Variants in SLC6A12 observed in about 807,000 individuals in gnomAD.
SLC6A12 encodes the protein solute carrier family 6 member 12, also known as sodium- and chloride-dependent betaine transporter.
In SLC6A12, 50 loss-of-function variants were observed where a neutral mutation model predicts 73.3. The observed-to-expected ratio is 0.68, with a 90% CI of 0.54 to 0.86. The LOEUF is 0.86. Among genes scored for constraint, SLC6A12 ranks in the 40% least tolerant of loss-of-function variants. The pLI is 0.00. For synonymous variants in SLC6A12, 304 were observed against 309.2 expected (o/e 0.98, Z 0.18); for missense variants, 648 against 772.8 (o/e 0.84, Z 1.92).
At chr12:196,958 C>CTG (rs150908861) in intron 10 of SLC6A12, 76 bp from the exon 11 acceptor site, 17 of 929,744 alleles carry the variant, frequency 1.8e-5, no homozygotes, top group African/African-American at 4.9e-5. Flanking sequence ...TCTCTAAGCA[C>CTG]TGTGTGTGTG....
downstream of SLC6A12, among the ~76,000 whole-genome samples, chr12:187,704 G>C (rs1016947117): frequency 1.8e-4 from 27 of 145,986 alleles, no homozygotes; most frequent in Non-Finnish European, 3.4e-4. Context: ...CCGGCAGCCT[G>C]CTTTTATTCT....
At chr12:191,307 C>A (rs1469499207) in intron 15 of SLC6A12, 96 bp from the exon 16 acceptor site, 2 of 1,103,206 alleles carry the variant, frequency 1.8e-6, no homozygotes, top group Non-Finnish European at 2.3e-6. Flanking sequence ...CAGAGCGGAG[C>A]ACATGGCCAG....
intron 7 of SLC6A12, among the ~76,000 whole-genome samples, chr12:200,144 T>TCA (rs1344934317): frequency 6.7e-6 from 1 of 148,386 alleles, no homozygotes. Flanking sequence ...GGAGTCTGGC[T>TCA]GTCGCCCAGG....
intron 5 of SLC6A12, 151 bp downstream of exon 5, chr12:202,589 G>A (rs1215622255): frequency 1.4e-6 from 1 of 690,498 alleles, no homozygotes; most frequent in Non-Finnish European, 2.3e-6. Context: ...GGCCTCAGAG[G>A]AGCCAAGGAG....
the SLC6A12 span, among the ~76,000 whole-genome samples, chr12:184,623 G>A: frequency 4.9e-4 from 74 of 152,208 alleles, no homozygotes; most frequent in East Asian, 0.01. Context: ...GGTGGCGGGC[G>A]CCTGTAGTCC....
chr12:187,230 G>A (rs367648390), downstream of SLC6A12, among the ~76,000 whole-genome samples: 5 of 152,274 alleles, frequency 3.3e-5, no homozygotes, highest in South Asian at 4.2e-4. Flanking sequence ...TGTGCCCAGA[G>A]TAAGTGGGTT....
Position 196,843 on chromosome 12 carries a change from G to C in SLC6A12, c.1115C>G (p.Thr372Ser). Reference protein sequence around the residue: ...LAFIAFPKAVTMMPLSQLWSC... With the variant: ...LAFIAFPKAVSMMPLSQLWSC... ...CCACAGCTGGGATAAGGGCATCATAGTCACAGCCTTGGGGAAGGCGATGAA... is the reference window on the plus strand; with the variant it reads ...CCACAGCTGGGATAAGGGCATCATACTCACAGCCTTGGGGAAGGCGATGAA... Residue 372 changes from threonine to serine, a missense_variant, in exon 11 of 16, where the codon ACT becomes AGT. Physicochemically the swap from Thr to Ser is moderately conservative, Grantham distance 58. Transcript: ENST00000684302. 6.2e-7 allele frequency: 1 copy of C among 1,614,012 alleles called. No homozygotes were observed. Among genetic ancestry groups the C allele is most frequent in the Non-Finnish European group, 8.5e-7 (1 of 1,179,932 alleles).
rs1256527089 is a variant in SLC6A12, at chr12:198,673, A to G, written c.846+124T>C. ...TTTATAGCTTTCTTCCATATTTTCT[A>G]ATTTATCTCCAGTGGGCATTTATTG... On this transcript the variant is annotated intron_variant, in intron 8 of 15. Coordinates refer to ENST00000684302, the MANE Select transcript of SLC6A12 (RefSeq NM_001122848.3). This position sits in a 1 kb window ranked among gnomAD's most constrained non-coding sequence, Gnocchi z 4.0. The G allele has an allele frequency of 1.4e-6, 1 of 730,874 alleles. No individual in the cohort carries two copies. Among genetic ancestry groups the G allele is most frequent in the Non-Finnish European group, 2.2e-6 (1 of 455,948 alleles). The allele number at this position is 730,874 out of a possible 1,614,324, so 45.3% of individuals were successfully genotyped here.
intron 13 of SLC6A12, 28 bp from the exon 14 acceptor site, chr12:193,405 G>C: frequency 1.3e-6 from 2 of 1,547,864 alleles, no homozygotes; most frequent in Non-Finnish European, 1.8e-6. Context: ...GGGAGAGTGT[G>C]AGAGCCAGAG....
At chr12:197,197 T>TATCCATCCATCCATCCATC (rs1565469229) in intron 10 of SLC6A12, among the ~76,000 whole-genome samples, 180 bp downstream of exon 10, 3 of 6,174 alleles carry the variant, frequency 4.9e-4, no homozygotes, top group Non-Finnish European at 8.4e-4. Flanking sequence ...ATCCATCCAT[T>TATCCATCCATCCATCCATC]CATCCATCCA....
intron 1 of SLC6A12, among the ~76,000 whole-genome samples, chr12:212,915 G>T (rs564760543): frequency 1.3e-5 from 2 of 152,284 alleles, no homozygotes; most frequent in African/African-American, 4.8e-5. Flanking sequence ...TGGGGGATGG[G>T]CCTCATCATA....
Position 202,870 on chromosome 12 carries a change from C to A in SLC6A12, c.360G>T (p.Leu120=). The A allele has an allele frequency of 1.2e-6, 2 of 1,613,758 alleles. No homozygotes were observed. Among genetic ancestry groups the A allele is most frequent in the Non-Finnish European group, 8.5e-7 (1 of 1,179,892 alleles). Reference sequence around the variant, plus strand: ...AATATGACTCGATGACCACAGATGCCAGACCAATGCCTTCCAGAGTGGGGG... The same window carrying A: ...AATATGACTCGATGACCACAGATGCAAGACCAATGCCTTCCAGAGTGGGGG... The part of the protein sequence containing the change: ...KICPLFQGIG[L]ASVVIESYLN... Residue 120 remains leucine, a synonymous_variant, in exon 5 of 16, where the codon CTG becomes CTT. Coordinates refer to ENST00000684302, the MANE Select transcript of SLC6A12 (RefSeq NM_001122848.3).
chr12:185,755 G>A (rs1565460633), downstream of SLC6A12, among the ~76,000 whole-genome samples: 1 of 152,192 alleles, frequency 6.6e-6, no homozygotes, highest in Non-Finnish European at 1.5e-5. Context: ...CCCTGCTGTG[G>A]CCAGACTGGA....
At chr12:185,865 G>C (rs115295622), downstream of SLC6A12, among the ~76,000 whole-genome samples, 356 of 152,356 alleles carry the variant, frequency 2.3e-3, 2 homozygotes, top group African/African-American at 8.3e-3. Context: ...ACCCCATCCT[G>C]TCTGGCAAAC....
chr12:195,240 T>G lies in SLC6A12; in HGVS notation c.1414A>C (p.Ile472Leu). 1.9e-6 allele frequency: 3 copies of G among 1,606,430 alleles called. No individual in the cohort carries two copies. The highest frequency in any genetic ancestry group is 2.2e-5 in the South Asian group (2 of 90,900). Reference protein sequence around the residue: ...LFLSLFEVVCISWVYGADRFY... With the variant: ...LFLSLFEVVCLSWVYGADRFY... The stretch of plus-strand genomic sequence containing the variant: ...CCCCACTCACCATACACCCAGCTTA[T>G]GCAGACCACTTCAAACAATGACAGG... The change falls in exon 13 of 16, where the codon ATA becomes CTA. Residue 472 changes from isoleucine to leucine, a missense_variant. Coordinates refer to ENST00000684302, the MANE Select transcript of SLC6A12 (RefSeq NM_001122848.3).
chr12:186,885 T>TA (rs1279740585), downstream of SLC6A12, among the ~76,000 whole-genome samples: 1 of 152,150 alleles, frequency 6.6e-6, no homozygotes, highest in African/African-American at 2.4e-5. Context: ...GAGCCTGTGG[T>TA]AACCCTGCTA....
At chr12:189,505 G>A (rs1446940763), downstream of SLC6A12, among the ~76,000 whole-genome samples, 2 of 152,146 alleles carry the variant, frequency 1.3e-5, no homozygotes, top group Non-Finnish European at 1.5e-5. Context: ...TAGGCCTGTC[G>A]AGGACGGAAC....
chr12:187,253 G>A (rs201098911), downstream of SLC6A12, among the ~76,000 whole-genome samples: 138 of 152,238 alleles, frequency 9.1e-4, 1 homozygote, highest in African/African-American at 3.2e-3. Context: ...TGGTCTCACT[G>A]ACTTCAAGCA....
In SLC6A12 at chr12:198,768, T is replaced by C; in HGVS notation, c.846+29A>G. ...GACCTGGCTGGGTGGGGAAGGCACC[T>C]GGGGAAGTGGTCCCAGCACGGTACA... is the stretch of plus-strand genomic sequence containing the variant. On this transcript the variant is annotated intron_variant, in intron 8 of 15. Coordinates refer to ENST00000684302, the MANE Select transcript of SLC6A12 (RefSeq NM_001122848.3). The surrounding 1 kb of genome is among the most constrained non-coding windows in gnomAD (Gnocchi z 4.0). 4.4e-6 allele frequency: 7 copies of C among 1,609,182 alleles called. No individual in the cohort carries two copies. Among genetic ancestry groups the C allele is most frequent in the Non-Finnish European group, 6.0e-6 (7 of 1,176,414 alleles).
Sources: gnomAD v4.1 joint callset for allele counts (sites outside exome capture counted in the v4.1 genomes callset) on GRCh38, gnomAD v4.1.1 for gene constraint, Gnocchi (gnomAD v3.1) non-coding constraint, MANE v1.5 for transcripts, NCBI Gene and HGNC (gene_info 2026-07-23, HGNC 2026-07-21) for gene names.